STK26: variants seen among roughly 807,000 people sequenced by gnomAD.
STK26 encodes the protein serine/threonine-protein kinase 26.
In STK26, 14 loss-of-function variants were observed where a neutral mutation model predicts 34.7. The observed-to-expected ratio is 0.40, with a 90% CI of 0.27 to 0.63. The LOEUF is 0.63. STK26 is among the 30% of genes least tolerant of loss of function. The pLI is 0.38. For missense variants in STK26, 226 were observed against 309.1 expected (o/e 0.73, Z 2.02); for synonymous variants, 100 against 109.8 (o/e 0.91, Z 0.56).
intron 2 of STK26, among the ~76,000 whole-genome samples, chrX:132,044,671 CTATA>C (rs1247702257): frequency 4.7e-4 from 18 of 38,436 alleles, no homozygotes; most frequent in Admixed American, 2.0e-3. Context: ...CTCTCGAGAT[CTATA>C]TATATATATA....
intron 11 of STK26, among the ~76,000 whole-genome samples, chrX:132,073,536 A>G (rs1927490328): frequency 8.9e-6 from 1 of 112,052 alleles, no homozygotes; most frequent in Non-Finnish European, 1.9e-5. Context: ...GAGGGACTCA[A>G]TCCAGACCAA....
intron 11 of STK26, 31 bp from the exon 12 acceptor site, chrX:132,074,104 C>T (rs1479330081): frequency 6.0e-6 from 7 of 1,170,080 alleles, no homozygotes; most frequent in Non-Finnish European, 8.1e-6. Context: ...CATAGTTGTA[C>T]ATTGGTTTAA....
intron 2 of STK26, among the ~76,000 whole-genome samples, chrX:132,033,001 C>T (rs752675959): frequency 2.7e-5 from 3 of 111,125 alleles, no homozygotes; most frequent in Non-Finnish European, 3.8e-5. Context: ...TTCTTCCCAC[C>T]CCCAGCTTTC....
chrX:132,053,982 C>T (rs1926771911), intron 2 of STK26, among the ~76,000 whole-genome samples: 1 of 112,127 alleles, frequency 8.9e-6, no homozygotes, highest in Non-Finnish European at 1.9e-5. Flanking sequence ...TTCACTGTGA[C>T]ATGAGTTGTG....
chrX:132,061,681 G>A (rs1927059067), intron 3 of STK26, among the ~76,000 whole-genome samples: 1 of 111,465 alleles, frequency 9.0e-6, no homozygotes, highest in Admixed American at 9.5e-5. Flanking sequence ...CTAACCCTAG[G>A]CCACATCCCA....
At chrX:132,050,378 G>A (rs1926645279) in intron 2 of STK26, among the ~76,000 whole-genome samples, 1 of 111,989 alleles carries the variant, frequency 8.9e-6, no homozygotes, top group Non-Finnish European at 1.9e-5. Context: ...GGGATATGTT[G>A]CTTGTGTTTT....
chrX:132,026,163 C>A (rs1474820114), intron 2 of STK26, among the ~76,000 whole-genome samples: 1 of 112,126 alleles, frequency 8.9e-6, no homozygotes, highest in Non-Finnish European at 1.9e-5. Context: ...GAAGTAGAAG[C>A]CCAGCTACCT....
At chrX:132,039,894 A>C (rs781090833) in intron 2 of STK26, among the ~76,000 whole-genome samples, 1 of 111,468 alleles carries the variant, frequency 9.0e-6, no homozygotes, top group Non-Finnish European at 1.9e-5. Context: ...AGAATTCCTC[A>C]TCTGAACCAT....
At chrX:132,056,380 A>G (rs1431648295) in intron 3 of STK26, among the ~76,000 whole-genome samples, 10 of 112,193 alleles carry the variant, frequency 8.9e-5, no homozygotes. Flanking sequence ...CAATGAGGGC[A>G]TAGGAGTATA....
At position 132,074,441 on chromosome X, in the gene STK26, C is replaced by T. The variant is rs1927531033; in HGVS notation, c.*282C>T. 4.1e-6 allele frequency: 1 copy of T among 242,656 alleles called. No homozygotes were observed. Among genetic ancestry groups the T allele is most frequent in the Non-Finnish European group, 7.4e-6 (1 of 135,999 alleles). 20.0% of individuals were successfully genotyped at this position (242,656 alleles called of 1,213,427 possible). ...TTAAGTATCCCTATTTCTTAAGTTA[C>T]GAGGATGAATACCTTTCACATTTTG... On this transcript the variant is annotated 3_prime_UTR_variant, in exon 12 of 12. Transcript: ENST00000394334.
rs1828525855 is a variant in STK26, at chrX:132,068,251, A to G, written c.367A>G (p.Thr123Ala). 2 of 1,207,630 alleles carry G rather than the reference A, an allele frequency of 1.7e-6. No homozygotes were observed. The highest frequency in any genetic ancestry group is 2.2e-6 in the Non-Finnish European group (2 of 894,007). The change falls in exon 5 of 12, where the codon ACC (threonine) becomes GCC (alanine). Residue 123 changes from threonine to alanine, a missense_variant. Physicochemically the swap from Thr to Ala is moderately conservative, Grantham distance 58 (BLOSUM62 0). Coordinates refer to ENST00000394334, the MANE Select transcript of STK26 (RefSeq NM_016542.4). ...AGPFDEFQIA[T>A]MLKEILKGLD... ...TCCATTTGATGAGTTCCAGATTGCT[A>G]CCATGCTAAAGGAAATTTTAAAAGG...
chrX:132,068,184 G>A lies in STK26; in HGVS notation c.331-31G>A, dbSNP rs771258848. ...TATGTTTCCAAACTTTTACACATAT[G>A]TGTATGTGTGTGTGTGTTTTTCCCC... is the stretch of plus-strand genomic sequence containing the variant. On this transcript the variant is annotated intron_variant, in intron 4 of 11. Transcript: ENST00000394334. 1.6e-4 allele frequency: 172 copies of A among 1,067,417 alleles called. 1 individual carries two copies. The African/African-American group carries it at 3.0e-3, about 18-fold the overall frequency. The allele number at this position is 1,067,417 out of a possible 1,213,427, so 88.0% of individuals were successfully genotyped here. A position where few individuals can be genotyped will look rare whatever the true frequency, so the allele number is the denominator to read the frequency against.
rs1297710419 is a variant in STK26 at position 132,023,775 on chromosome X, C to T, written c.42+116C>T. The stretch of plus-strand genomic sequence containing the variant: ...CCCAGGGCTCCCCTGAGGGCAGGGC[C>T]GGTCACTATGGCCAGGTGACCTGGG... On this transcript the variant is annotated intron_variant, in intron 2 of 11. Transcript: ENST00000394334. 2.0e-5 allele frequency: 18 copies of T among 900,752 alleles called. No individual in the cohort carries two copies. The East Asian group carries it at 5.8e-4, about 29-fold the overall frequency. The allele number at this position is 900,752 out of a possible 1,213,427, so 74.2% of individuals were successfully genotyped here.
chrX:132,040,017 C>A (rs187602835), intron 2 of STK26, among the ~76,000 whole-genome samples: 5 of 112,073 alleles, frequency 4.5e-5, no homozygotes, highest in Non-Finnish European at 9.4e-5. Flanking sequence ...TATAAGGATT[C>A]TTTAGGGTAG....
At chrX:132,046,022 G>T (rs906676344) in intron 2 of STK26, among the ~76,000 whole-genome samples, 1 of 111,608 alleles carries the variant, frequency 9.0e-6, no homozygotes, top group African/African-American at 3.3e-5. Flanking sequence ...TTAAGATAAG[G>T]AAAGTTATTA....
intron 2 of STK26, among the ~76,000 whole-genome samples, chrX:132,027,859 T>C (rs745728837): frequency 6.1e-4 from 67 of 109,247 alleles, no homozygotes; most frequent in Non-Finnish European, 1.1e-3. Flanking sequence ...TCTTCTTTTT[T>C]AATTTTTTTT....
intron 2 of STK26, among the ~76,000 whole-genome samples, chrX:132,042,517 T>C (rs966361919): frequency 9.0e-6 from 1 of 111,074 alleles, no homozygotes; most frequent in South Asian, 3.7e-4. Context: ...ATTTCACACA[T>C]ACACACACAC....
chrX:132,067,768 T>C (rs781415940), intron 4 of STK26, among the ~76,000 whole-genome samples: 71 of 112,033 alleles, frequency 6.3e-4, no homozygotes, highest in Non-Finnish European at 1.2e-3. Flanking sequence ...GTGGAAATCT[T>C]ATGGATTCTC....
chrX:132,039,145 G>T (rs1024132980), intron 2 of STK26, among the ~76,000 whole-genome samples: 1 of 111,079 alleles, frequency 9.0e-6, no homozygotes, highest in African/African-American at 3.3e-5. Context: ...ATAACTAGAC[G>T]TATCTTAATT....
Sources: gnomAD v4.1 joint callset for allele counts (sites outside exome capture counted in the v4.1 genomes callset) on GRCh38, gnomAD v4.1.1 for gene constraint, MANE v1.5 for transcripts, NCBI Gene and HGNC (gene_info 2026-07-23, HGNC 2026-07-21) for gene names.